SLC1A2: variants seen among roughly 807,000 people sequenced by gnomAD.
SLC1A2 encodes the protein solute carrier family 1 member 2, also known as excitatory amino acid transporter 2.
Under a neutral mutation model 48.8 loss-of-function variants are expected in SLC1A2, and 15 were observed. That is an observed-to-expected ratio of 0.31 (90% confidence interval 0.21 to 0.47). The LOEUF is 0.47. Ranked by LOEUF, SLC1A2 falls within the 20% of genes least tolerant of loss-of-function variation. The pLI is 0.99. For missense variants in SLC1A2, 502 were observed against 730.5 expected, an observed-to-expected ratio of 0.69 and a Z score of 3.61; for synonymous variants, 279 against 272.6, an observed-to-expected ratio of 1.02 and a Z score of -0.23.
chr11:35,373,522 G>T (rs1854125406), intron 1 of SLC1A2, among the ~76,000 whole-genome samples: 2 of 152,200 alleles, frequency 1.3e-5, no homozygotes, highest in Non-Finnish European at 2.9e-5. Flanking sequence ...AAACAAGGGT[G>T]AGAGAAGCAG....
chr11:35,323,992 C>A (rs1852158399), intron 1 of SLC1A2, among the ~76,000 whole-genome samples: 1 of 152,170 alleles, frequency 6.6e-6, no homozygotes, highest in Non-Finnish European at 1.5e-5. Flanking sequence ...CAGCAAAGTG[C>A]TAAACTTACC....
chr11:35,396,006 T>C (rs1485690095), intron 1 of SLC1A2, among the ~76,000 whole-genome samples: 1 of 148,684 alleles, frequency 6.7e-6, no homozygotes, highest in Non-Finnish European at 1.5e-5. Context: ...GGACGTGAAC[T>C]CATCATTTTT....
intron 1 of SLC1A2, among the ~76,000 whole-genome samples, chr11:35,356,737 A>G (rs1190261509): frequency 2.0e-5 from 3 of 152,246 alleles, no homozygotes; most frequent in Non-Finnish European, 4.4e-5. Flanking sequence ...ATTTAGAGAG[A>G]ATATTAAGAA....
At chr11:35,363,290 T>C (rs1853741320) in intron 1 of SLC1A2, among the ~76,000 whole-genome samples, 1 of 152,140 alleles carries the variant, frequency 6.6e-6, no homozygotes. Context: ...ATTTTGGGGT[T>C]GTTCCAGACC....
intron 9 of SLC1A2, among the ~76,000 whole-genome samples, chr11:35,272,738 G>C (rs1215912633): frequency 6.6e-6 from 1 of 152,178 alleles, no homozygotes; most frequent in Non-Finnish European, 1.5e-5. Flanking sequence ...CACCATCTTT[G>C]GGTCTGGACG....
intron 1 of SLC1A2, among the ~76,000 whole-genome samples, chr11:35,334,825 T>A (rs1307674216): frequency 9.5e-5 from 1 of 10,540 alleles, no homozygotes; most frequent in Non-Finnish European, 1.4e-4. Flanking sequence ...TTTTGTTTTG[T>A]TTTGTTTTGT....
intron 6 of SLC1A2, among the ~76,000 whole-genome samples, chr11:35,294,478 G>T (rs114547056): frequency 6.6e-6 from 1 of 152,056 alleles, no homozygotes; most frequent in Non-Finnish European, 1.5e-5. Flanking sequence ...AATTATCAAG[G>T]TAGTCTCAGG....
At chr11:35,269,999 C>T (rs947186740) in intron 9 of SLC1A2, among the ~76,000 whole-genome samples, 2 of 151,956 alleles carry the variant, frequency 1.3e-5, no homozygotes, top group African/African-American at 4.8e-5. Context: ...CCCAGCTACT[C>T]GGGAGGCTGA....
chr11:35,263,348 A>T (rs1950426194), intron 10 of SLC1A2, among the ~76,000 whole-genome samples: 1 of 152,106 alleles, frequency 6.6e-6, no homozygotes, highest in Non-Finnish European at 1.5e-5. Context: ...CATGACTGTA[A>T]TCCCAGCTAC....
chr11:35,304,053 C>A (rs1374050482), intron 5 of SLC1A2, among the ~76,000 whole-genome samples: 1 of 152,158 alleles, frequency 6.6e-6, no homozygotes. Context: ...TGGATGGAAA[C>A]CGTATTCAGC....
At chr11:35,384,821 A>C (rs749829016) in intron 1 of SLC1A2, among the ~76,000 whole-genome samples, 1 of 152,228 alleles carries the variant, frequency 6.6e-6, no homozygotes, top group Non-Finnish European at 1.5e-5. Context: ...GAAACCCAAT[A>C]ATCAACCCCT....
rs536630447 is a variant in SLC1A2 at position 35,284,990 on chromosome 11, C to G, written c.1286+1767G>C. ...GAATGGGCTGTTGAATAACATGAAC[C>G]AAGCAGACACCAGATTATTACCAAA... On this transcript the variant is annotated intron_variant, in intron 8 of 10. Coordinates refer to ENST00000278379, the MANE Select transcript of SLC1A2 (RefSeq NM_004171.4). Among the ~76,000 whole-genome samples the G allele has an allele frequency of 2.0e-5, 3 of 152,316 alleles. No individual in the cohort carries two copies. The East Asian group carries it at 5.8e-4, about 29-fold the overall frequency.
chr11:35,415,031 C>T (rs1855566913), intron 1 of SLC1A2, among the ~76,000 whole-genome samples: 1 of 152,200 alleles, frequency 6.6e-6, no homozygotes, highest in Non-Finnish European at 1.5e-5. Flanking sequence ...CTGTGTTGAG[C>T]TTCAAATCAT....
intron 9 of SLC1A2, among the ~76,000 whole-genome samples, chr11:35,266,709 T>TA: frequency 2.0e-5 from 3 of 151,994 alleles, no homozygotes; most frequent in East Asian, 1.9e-4. Flanking sequence ...AAAAAAAAGT[T>TA]AAAAAAATTA....
At chr11:35,331,515 T>C (rs926644231) in intron 1 of SLC1A2, among the ~76,000 whole-genome samples, 2 of 152,200 alleles carry the variant, frequency 1.3e-5, no homozygotes, top group African/African-American at 4.8e-5. Context: ...CAGTCACCCC[T>C]GAAGGGTAAT....
At chr11:35,267,556 A>G (rs1408355545) in intron 9 of SLC1A2, among the ~76,000 whole-genome samples, 2 of 152,260 alleles carry the variant, frequency 1.3e-5, no homozygotes, top group East Asian at 3.9e-4. Flanking sequence ...TAGTTAAGCT[A>G]CTATCTCCCC....
At chr11:35,376,629 C>A (rs1854240462) in intron 1 of SLC1A2, among the ~76,000 whole-genome samples, 2 of 152,156 alleles carry the variant, frequency 1.3e-5, no homozygotes, top group Non-Finnish European at 2.9e-5. Context: ...ATAATTGTAA[C>A]CAAATTATCC....
At chr11:35,314,822 C>A in intron 3 of SLC1A2, among the ~76,000 whole-genome samples, 3 of 142,806 alleles carry the variant, frequency 2.1e-5, no homozygotes, top group African/African-American at 5.2e-5. Context: ...GAGAGAAAGA[C>A]AAATAGACTG....
intron 1 of SLC1A2, among the ~76,000 whole-genome samples, chr11:35,326,328 G>T (rs1852252034): frequency 6.6e-6 from 1 of 152,168 alleles, no homozygotes; most frequent in South Asian, 2.1e-4. Flanking sequence ...AGAGCCACTG[G>T]AACCCTGAGC....
Sources: gnomAD v4.1 joint callset for allele counts (sites outside exome capture counted in the v4.1 genomes callset) on GRCh38, gnomAD v4.1.1 for gene constraint, MANE v1.5 for transcripts, NCBI Gene and HGNC (gene_info 2026-07-23, HGNC 2026-07-21) for gene names.